SPRY3: variants seen among roughly 807,000 people sequenced by gnomAD.
SPRY3 encodes protein sprouty homolog 3.
Under a neutral mutation model 20.2 loss-of-function variants are expected in SPRY3, and 15 were observed. The observed-to-expected ratio is 0.74, with a 90% CI of 0.50 to 1.14. The LOEUF is 1.14. SPRY3 is among the 50% of genes most tolerant of loss of function. The pLI, the probability that SPRY3 is intolerant of heterozygous loss-of-function variation, is 0.00. For missense variants in SPRY3, 364 were observed against 363.9 expected (o/e 1.00, Z 0.00); for synonymous variants, 143 against 136.5 (o/e 1.05, Z -0.33).
exon 4 of SPRY3, chrX:155,776,438 G>A (rs2091426715): frequency 6.0e-6 from 1 of 167,048 alleles, no homozygotes; most frequent in African/African-American, 2.4e-5. Flanking sequence ...ATAATGTAGA[G>A]AACTGACTTC....
chrX:155,768,625 A>T (rs942778598), intron 3 of SPRY3, among the ~76,000 whole-genome samples: 2 of 152,100 alleles, frequency 1.3e-5, no homozygotes, highest in Non-Finnish European at 2.9e-5. Flanking sequence ...TGCCCTGGGT[A>T]GACATGGCGC....
chrX:155,694,973 T>C (rs1479280234), intron 2 of SPRY3, among the ~76,000 whole-genome samples: 13 of 111,594 alleles, frequency 1.2e-4, no homozygotes, highest in African/African-American at 9.8e-5. Context: ...GGCCCAGGGA[T>C]TGGGGACCCT....
At chrX:155,739,127 G>A (rs1252014595) in intron 2 of SPRY3, among the ~76,000 whole-genome samples, 1 of 152,158 alleles carries the variant, frequency 6.6e-6, no homozygotes, top group Non-Finnish European at 1.5e-5. Context: ...AGAGAGTCCA[G>A]GTGGTACAGA....
At chrX:155,770,036 T>C (rs748219607) in intron 3 of SPRY3, among the ~76,000 whole-genome samples, 1 of 152,278 alleles carries the variant, frequency 6.6e-6, no homozygotes, top group African/African-American at 2.4e-5. Context: ...CTTTCAGTTA[T>C]TCTGAGTAGG....
downstream of SPRY3, chrX:155,779,087 G>A (rs1379623901): frequency 6.0e-6 from 1 of 167,000 alleles, no homozygotes; most frequent in Non-Finnish European, 1.5e-5. Context: ...TACAGCCCAC[G>A]TGGTGGAGGA....
At chrX:155,697,522 C>CACACACACACACAT (rs750002413) in intron 2 of SPRY3, among the ~76,000 whole-genome samples, 3 of 99,330 alleles carry the variant, frequency 3.0e-5, no homozygotes, top group African/African-American at 1.2e-4. Flanking sequence ...CACACACACA[C>CACACACACACACAT]ATATATATAT....
At chrX:155,716,257 G>A (rs1276133935) in intron 2 of SPRY3, among the ~76,000 whole-genome samples, 1 of 152,080 alleles carries the variant, frequency 6.6e-6, no homozygotes, top group African/African-American at 2.4e-5. Flanking sequence ...AGATGTTGTG[G>A]AACCCATTTA....
In SPRY3 at chrX:155,619,566, C is replaced by T. The variant is rs375007015; in HGVS notation, c.-441+6919C>T. ...ACTTAGAATTAATCATAGACCTAAA[C>T]GTAAATGCTGAAATTGTTAAGCATA... On this transcript the variant is annotated intron_variant, in intron 1 of 3. Coordinates refer to ENST00000675360, the Ensembl canonical transcript of SPRY3. Among the ~76,000 whole-genome samples, 11 of 110,748 alleles carry T rather than the reference C, an allele frequency of 9.9e-5. No individual in the cohort carries two copies. In the South Asian group the frequency reaches 3.4e-3, roughly 34 times the overall value.
chrX:155,682,859 G>T (rs2068077727), intron 2 of SPRY3, among the ~76,000 whole-genome samples: 1 of 111,855 alleles, frequency 8.9e-6, no homozygotes, highest in African/African-American at 3.2e-5. Flanking sequence ...GAATATTCAC[G>T]ATTCATGAGT....
At chrX:155,756,750 C>G (rs2091284808) in intron 2 of SPRY3, among the ~76,000 whole-genome samples, 1 of 152,064 alleles carries the variant, frequency 6.6e-6, no homozygotes, top group Non-Finnish European at 1.5e-5. Context: ...ATCTACTGCT[C>G]CTTTACAAGA....
intron 2 of SPRY3, among the ~76,000 whole-genome samples, chrX:155,699,845 C>T (rs1252123421): frequency 9.1e-6 from 1 of 110,022 alleles, no homozygotes; most frequent in African/African-American, 3.3e-5. Flanking sequence ...ACAACAGAGG[C>T]CACACCCCAA....
chrX:155,724,489 G>T (rs1354267568), intron 2 of SPRY3, among the ~76,000 whole-genome samples: 1 of 152,102 alleles, frequency 6.6e-6, no homozygotes, highest in Non-Finnish European at 1.5e-5. Context: ...TCTCCTTGAA[G>T]AGGTCCTTCA....
At chrX:155,707,450 T>C (rs1436191938) in intron 2 of SPRY3, among the ~76,000 whole-genome samples, 1 of 151,288 alleles carries the variant, frequency 6.6e-6, no homozygotes, top group Non-Finnish European at 1.5e-5. Flanking sequence ...ATGTGTATTA[T>C]GTTGTTATTG....
At chrX:155,653,960 A>G (rs1293577687) in intron 1 of SPRY3, among the ~76,000 whole-genome samples, 2 of 111,915 alleles carry the variant, frequency 1.8e-5, no homozygotes, top group African/African-American at 6.5e-5. Context: ...TTATGACACC[A>G]TCTGCCTGGA....
chrX:155,752,507 A>G (rs1277096825), intron 2 of SPRY3, among the ~76,000 whole-genome samples: 3 of 151,684 alleles, frequency 2.0e-5, no homozygotes, highest in Non-Finnish European at 4.4e-5. Context: ...TATAGGTTTA[A>G]TGTCTTGATA....
At chrX:155,742,685 T>G (rs1206849112) in intron 2 of SPRY3, among the ~76,000 whole-genome samples, 1 of 152,106 alleles carries the variant, frequency 6.6e-6, no homozygotes, top group Non-Finnish European at 1.5e-5. Context: ...AGAAACTCAC[T>G]CAAAATCACA....
At chrX:155,733,625 T>C (rs898155906) in intron 2 of SPRY3, among the ~76,000 whole-genome samples, 4 of 152,024 alleles carry the variant, frequency 2.6e-5, no homozygotes, top group Admixed American at 2.6e-4. Context: ...CCAGCTGCAT[T>C]AGCCCTTAAC....
chrX:155,708,428 T>G (rs2090965314), intron 2 of SPRY3, among the ~76,000 whole-genome samples: 1 of 151,450 alleles, frequency 6.6e-6, no homozygotes, highest in African/African-American at 2.4e-5. Flanking sequence ...CTCCTGCTGC[T>G]TTCTAAATTA....
At chrX:155,723,282 C>A (rs1223685771) in intron 2 of SPRY3, among the ~76,000 whole-genome samples, 2 of 152,034 alleles carry the variant, frequency 1.3e-5, no homozygotes, top group Non-Finnish European at 2.9e-5. Flanking sequence ...ATTTATAATC[C>A]TTTAGGTATA....
Sources: gnomAD v4.1 joint callset for allele counts (sites outside exome capture counted in the v4.1 genomes callset) on GRCh38, gnomAD v4.1.1 for gene constraint, MANE v1.5 for transcripts, NCBI Gene and HGNC (gene_info 2026-07-23, HGNC 2026-07-21) for gene names.